PRKG1: variants seen among roughly 807,000 people sequenced by gnomAD.
PRKG1 encodes protein kinase cGMP-dependent 1, also known as cGMP-dependent protein kinase 1.
In PRKG1, 35 loss-of-function variants were observed where a neutral mutation model predicts 88.1. The ratio of observed to expected loss-of-function variants is 0.40; its 90% confidence interval spans 0.30 to 0.53. PRKG1 has a LOEUF of 0.53. PRKG1 is among the 20% of genes least tolerant of loss of function. PRKG1 has a pLI of 0.59. For missense variants in PRKG1, 540 were observed against 839.8 expected, an observed-to-expected ratio of 0.64 and a Z score of 4.41; for synonymous variants, 303 against 292.5, an observed-to-expected ratio of 1.04 and a Z score of -0.37.
rs145409707 is a variant in PRKG1 at position 52,134,911 on chromosome 10, T to C, written c.1001+1006T>C. Among the ~76,000 whole-genome samples, 474 of 152,290 alleles carry C rather than the reference T, an allele frequency of 3.1e-3. 3 individuals are homozygous for C. Among genetic ancestry groups the C allele is most frequent in the African/African-American group, 0.01 (426 of 41,574 alleles). ...TGGTAGCAATATCCATGGATATTTC[T>C]GAAATTGTTATATTTTGTCTGGTTC... is the stretch of plus-strand genomic sequence containing the variant. On this transcript the variant is annotated intron_variant, in intron 8 of 17. Coordinates refer to ENST00000373980, the MANE Select transcript of PRKG1 (RefSeq NM_006258.4).
At chr10:51,937,647 T>G (rs7069853) in intron 5 of PRKG1, among the ~76,000 whole-genome samples, 99,092 of 151,842 alleles carry the variant, frequency 0.65, 32,662 homozygotes, top group East Asian at 0.75. Context: ...AAATAATACT[T>G]TGTTTTCCTT....
intron 2 of PRKG1, among the ~76,000 whole-genome samples, chr10:51,296,662 CTTATTTGAT>C (rs1840728169): frequency 6.6e-6 from 1 of 151,728 alleles, no homozygotes; most frequent in African/African-American, 2.4e-5. Context: ...TTGTCTGTTT[CTTATTTGAT>C]TTACTTCTCT....
intron 9 of PRKG1, among the ~76,000 whole-genome samples, chr10:52,170,209 A>G (rs1442381488): frequency 1.3e-5 from 2 of 152,184 alleles, no homozygotes; most frequent in Non-Finnish European, 2.9e-5. Flanking sequence ...AGAAAGAAGG[A>G]CACTAAGAAA....
At chr10:51,554,337 T>G (rs760929034) in intron 3 of PRKG1, among the ~76,000 whole-genome samples, 1,609 of 83,598 alleles carry the variant, frequency 0.019, 36 homozygotes, top group African/African-American at 0.044. Context: ...CACACATATA[T>G]TATATACACA....
intron 3 of PRKG1, among the ~76,000 whole-genome samples, chr10:51,785,333 C>T (rs1838700733): frequency 6.6e-6 from 1 of 151,798 alleles, no homozygotes; most frequent in African/African-American, 2.4e-5. Flanking sequence ...GTGGCATAAC[C>T]CTGACCATGG....
chr10:51,684,478 A>C (rs1840934384), intron 3 of PRKG1, among the ~76,000 whole-genome samples: 1 of 152,088 alleles, frequency 6.6e-6, no homozygotes, highest in South Asian at 2.1e-4. Flanking sequence ...ATGGTGTGTA[A>C]TTTATATGTT....
At chr10:52,146,316 C>T (rs1183817577) in intron 8 of PRKG1, among the ~76,000 whole-genome samples, 13 of 152,004 alleles carry the variant, frequency 8.6e-5, no homozygotes, top group Non-Finnish European at 1.5e-5. Flanking sequence ...ATTTCGTGTC[C>T]TTAAATAGTG....
chr10:52,135,120 G>T (rs1042525171), intron 8 of PRKG1, among the ~76,000 whole-genome samples: 1 of 152,018 alleles, frequency 6.6e-6, no homozygotes, highest in Admixed American at 6.6e-5. Flanking sequence ...CAAAAAAAAT[G>T]AGTTCAGAAT....
At chr10:51,951,189 G>A (rs536345956) in intron 5 of PRKG1, among the ~76,000 whole-genome samples, 4 of 152,314 alleles carry the variant, frequency 2.6e-5, no homozygotes, top group African/African-American at 4.8e-5. Flanking sequence ...TTGGCTTGAA[G>A]GTGTGGTTTC....
intron 1 of PRKG1, among the ~76,000 whole-genome samples, chr10:51,065,961 GTT>G (rs1035667810): frequency 1.3e-5 from 2 of 151,982 alleles, no homozygotes; most frequent in Non-Finnish European, 2.9e-5. Context: ...ATCAGAGAGA[GTT>G]TTTTTAGGGA....
chr10:51,136,996 T>C (rs1428558290), intron 1 of PRKG1, among the ~76,000 whole-genome samples: 1 of 152,150 alleles, frequency 6.6e-6, no homozygotes, highest in East Asian at 1.9e-4. Flanking sequence ...GCCATTCTCC[T>C]GCCTCAGCCT....
chr10:51,267,459 A>G (rs1224848329), intron 2 of PRKG1, among the ~76,000 whole-genome samples: 1 of 152,202 alleles, frequency 6.6e-6, no homozygotes, highest in African/African-American at 2.4e-5. Flanking sequence ...TTTCTGCAAA[A>G]TATATCTTTA....
intron 2 of PRKG1, among the ~76,000 whole-genome samples, chr10:51,158,193 A>G (rs1846262669): frequency 6.6e-6 from 1 of 151,892 alleles, no homozygotes; most frequent in African/African-American, 2.4e-5. Flanking sequence ...GTCACTTTCT[A>G]GGTCTTAAAT....
intron 3 of PRKG1, among the ~76,000 whole-genome samples, chr10:51,738,343 A>G (rs1389237411): frequency 6.6e-6 from 1 of 152,142 alleles, no homozygotes; most frequent in African/African-American, 2.4e-5. Context: ...GAACAGAAGG[A>G]AAGATTGGAA....
rs992586167 is a variant in PRKG1, at chr10:52,054,863, G to A, written c.840+302G>A. Among the ~76,000 whole-genome samples the A allele has an allele frequency of 3.9e-5, 6 of 152,100 alleles. No individual in the cohort carries two copies. The East Asian group carries it at 9.6e-4, about 24-fold the overall frequency. On this transcript the variant is annotated intron_variant, in intron 6 of 17. Transcript: ENST00000373980. ...TAATAAAAAAATACCGGCTGGATGT[G>A]ATGGCTCATGCCTGTAACCTCAGCA...
chr10:51,594,333 A>C (rs1231742506), intron 3 of PRKG1, among the ~76,000 whole-genome samples: 1 of 152,182 alleles, frequency 6.6e-6, no homozygotes, highest in Non-Finnish European at 1.5e-5. Flanking sequence ...CGGCCAAGGC[A>C]GTTTCATCAC....
At position 52,293,485 on chromosome 10, in the gene PRKG1, G is replaced by C. The variant is rs1842314467; in HGVS notation, c.1963-317G>C. ...CCTGAGCCAAAGAACAAAGCTGGAG[G>C]CATCACGCTACATGATCACTCTTAT... On this transcript the variant is annotated intron_variant, in intron 17 of 17. Coordinates refer to ENST00000373980, the MANE Select transcript of PRKG1 (RefSeq NM_006258.4). Among the ~76,000 whole-genome samples the C allele has an allele frequency of 2.0e-5, 3 of 152,118 alleles. No homozygotes were observed. In the South Asian group the frequency reaches 6.2e-4, roughly 32 times the overall value.
chr10:52,076,052 G>T (rs1846620716), intron 7 of PRKG1, among the ~76,000 whole-genome samples: 1 of 152,140 alleles, frequency 6.6e-6, no homozygotes, highest in South Asian at 2.1e-4. Context: ...AGAAAGGTCA[G>T]ATTTTCCACA....
At chr10:51,587,170 T>C (rs1016528616) in intron 3 of PRKG1, among the ~76,000 whole-genome samples, 1 of 152,104 alleles carries the variant, frequency 6.6e-6, no homozygotes, top group African/African-American at 2.4e-5. Context: ...GTTGGAAGAC[T>C]TCTAAAACTT....
Sources: gnomAD v4.1 joint callset for allele counts (sites outside exome capture counted in the v4.1 genomes callset) on GRCh38, gnomAD v4.1.1 for gene constraint, MANE v1.5 for transcripts, NCBI Gene and HGNC (gene_info 2026-07-23, HGNC 2026-07-21) for gene names.